ENO2: variants seen among roughly 807,000 people sequenced by gnomAD.
ENO2 encodes the protein enolase 2.
A neutral mutation model predicts 48.7 loss-of-function variants in ENO2; 19 were observed. That is an observed-to-expected ratio of 0.39 (90% CI 0.27 to 0.57). The LOEUF (loss-of-function observed/expected upper bound fraction) is 0.57. Among genes scored for constraint, ENO2 ranks in the 20% least tolerant of loss-of-function variants. The pLI is 0.58. For missense variants in ENO2, 416 were observed against 555.0 expected, an observed-to-expected ratio of 0.75 and a Z score of 2.52; for synonymous variants, 198 against 213.4, an observed-to-expected ratio of 0.93 and a Z score of 0.63.
At chr12:6,918,752 C>G (rs1403074512) in intron 7 of ENO2, among the ~76,000 whole-genome samples, 1 of 150,554 alleles carries the variant, frequency 6.6e-6, no homozygotes, top group Non-Finnish European at 1.5e-5. Context: ...GAGGCTGAGG[C>G]GGGTGGATCA....
In ENO2 at chr12:6,915,839, A is replaced by C; in HGVS notation, c.7A>C (p.Ile3Leu). 2.5e-6 allele frequency: 4 copies of C among 1,612,560 alleles called. No individual in the cohort carries two copies. Among genetic ancestry groups the C allele is most frequent in the Middle Eastern group, 1.7e-4 (1 of 6,058 alleles). Reference protein sequence around the residue: MSIEKIWAREILD... With the variant: MSLEKIWAREILD... ...CGAGGAGATCCCAGCCATCATGTCC[A>C]TAGAGAAGATCTGGGCCCGGGAGAT... Residue 3 changes from isoleucine to leucine, a missense_variant, in exon 2 of 12, where the codon ATA becomes CTA. Physicochemically the swap from Ile to Leu is conservative, Grantham distance 5 (BLOSUM62 2). Coordinates refer to ENST00000229277, the MANE Select transcript of ENO2 (RefSeq NM_001975.3).
Position 6,922,200 on chromosome 12 carries a change from C to T in ENO2, c.1176+36C>T. 1 of 1,608,780 alleles carries T rather than the reference C, an allele frequency of 6.2e-7. No homozygotes were observed. The highest frequency in any genetic ancestry group is 1.1e-5 in the South Asian group (1 of 90,602). On this transcript the variant is annotated intron_variant, in intron 10 of 11. Transcript: ENST00000229277. This position sits in a 1 kb window ranked among gnomAD's most constrained non-coding sequence, Gnocchi z 5.3. Reference sequence around the variant, plus strand: ...CAGCCTGGTGAGTGAAGAGAACTCTCTGTGGGATTGGTATTTCTAGCTCAC... The same window carrying T: ...CAGCCTGGTGAGTGAAGAGAACTCTTTGTGGGATTGGTATTTCTAGCTCAC...
chr12:6,919,604 T>C lies in ENO2; in HGVS notation c.706T>C (p.Tyr236His). ...GAAGGAAGCCATCGACAAGGCTGGC[T>C]ACACGGAAAAGATCGTTATTGGCAT... The part of the protein sequence containing the change: ...LVKEAIDKAG[Y>H]TEKIVIGMDV... Residue 236 changes from tyrosine to histidine, a missense_variant, in exon 8 of 12, where the codon TAC becomes CAC. Transcript: ENST00000229277. The C allele has an allele frequency of 6.2e-7, 1 of 1,614,130 alleles. No homozygotes were observed. The highest frequency in any genetic ancestry group is 1.1e-5 in the South Asian group (1 of 91,080).
chr12:6,914,960 G>A lies in ENO2; in HGVS notation c.-13+301G>A, dbSNP rs1482579421. Among the ~76,000 whole-genome samples the A allele has an allele frequency of 3.3e-5, 5 of 152,150 alleles. No individual in the cohort carries two copies. Among genetic ancestry groups the A allele is most frequent in the Admixed American group, 6.5e-5 (1 of 15,274 alleles). ...GTTTCTAAGTTGGGAGCCTCTCCGG[G>A]CGGTGCATTTTTATCCTAGAGCGTC... On this transcript the variant is annotated intron_variant, in intron 1 of 11. Transcript: ENST00000229277. The surrounding 1 kb of genome is among the most constrained non-coding windows in gnomAD (Gnocchi z 7.1).
At position 6,919,725 on chromosome 12, in the gene ENO2, TG is replaced by T; in HGVS notation, c.832del (p.Ala278HisfsTer34). ...DPSRYITGDQLGALYQDFVRD... is the reference protein window; with the variant it reads ...DPSRYITGDQXGALYQDFVRD... Reference sequence around the variant, plus strand: ...TCCCGATACATCACTGGGGACCAGCTGGGGGCACTCTACCAGGACTTTGTCA... The same window carrying T: ...TCCCGATACATCACTGGGGACCAGCTGGGGCACTCTACCAGGACTTTGTCA... On this transcript the variant is annotated frameshift_variant, in exon 8 of 12. Transcript: ENST00000229277. LOFTEE classifies it high-confidence loss of function. 6.2e-7 allele frequency: 1 copy of T among 1,613,850 alleles called. No homozygotes were observed. Among genetic ancestry groups the T allele is most frequent in the Non-Finnish European group, 8.5e-7 (1 of 1,179,974 alleles).
rs782612283 is a variant in ENO2 at position 6,922,687 on chromosome 12, C to T, written c.1236-44C>T. ...GACCCCTAGAGAGAGAAGCAGGATCCTCCTGCATCCCTGACCACTTCCTTT... is the reference window on the plus strand; with the variant it reads ...GACCCCTAGAGAGAGAAGCAGGATCTTCCTGCATCCCTGACCACTTCCTTT... On this transcript the variant is annotated intron_variant, in intron 11 of 11. Transcript: ENST00000229277. The surrounding 1 kb of genome is among the most constrained non-coding windows in gnomAD (Gnocchi z 5.3). 7.5e-6 allele frequency: 12 copies of T among 1,602,470 alleles called. No homozygotes were observed. The highest frequency in any genetic ancestry group is 4.5e-5 in the East Asian group (2 of 44,860).
At chr12:6,921,442 A>AT in intron 8 of ENO2, 139 bp from the exon 9 acceptor site, 2 of 798,650 alleles carry the variant, frequency 2.5e-6, no homozygotes, top group Non-Finnish European at 2.0e-6. Flanking sequence ...CACTGGGGGG[A>AT]TTTGTCTTAG....
rs1555142109 is a variant in ENO2 at position 6,921,615 on chromosome 12, T to C, written c.900T>C (p.Asp300=). 3.1e-6 allele frequency: 5 copies of C among 1,614,094 alleles called. No homozygotes were observed. Among genetic ancestry groups the C allele is most frequent in the South Asian group, 2.2e-5 (2 of 91,084 alleles). Residue 300 remains aspartate, a synonymous_variant, in exon 9 of 12, where the codon GAT becomes GAC. Transcript: ENST00000229277. Reference sequence around the variant, plus strand: ...TTGAGGACCCATTTGACCAGGATGATTGGGCTGCCTGGTCCAAGTTCACAG... The same window carrying C: ...TTGAGGACCCATTTGACCAGGATGACTGGGCTGCCTGGTCCAAGTTCACAG... ...VSIEDPFDQD[D]WAAWSKFTAN...
Position 6,922,484 on chromosome 12 carries a change from G to C in ENO2, c.1235+82G>C. ...TGCCAGACCATCTGTAGCACCAAGG[G>C]CCTGGATAACAGTCCATTTCCTGGA... is the stretch of plus-strand genomic sequence containing the variant. On this transcript the variant is annotated intron_variant, in intron 11 of 11. Transcript: ENST00000229277. The surrounding 1 kb of genome is among the most constrained non-coding windows in gnomAD (Gnocchi z 5.3). 2 of 1,559,208 alleles carry C rather than the reference G, an allele frequency of 1.3e-6. No homozygotes were observed. The highest frequency in any genetic ancestry group is 1.8e-6 in the Non-Finnish European group (2 of 1,131,316).
chr12:6,916,294 G>A lies in ENO2; in HGVS notation c.86-123G>A. ...GTGTGTGGGGTGGGGGTGGGGGGAT[G>A]TTAGGGAGCAGTGTGGGGAGAGAGC... is the stretch of plus-strand genomic sequence containing the variant. On this transcript the variant is annotated intron_variant, in intron 2 of 11. Coordinates refer to ENST00000229277, the MANE Select transcript of ENO2 (RefSeq NM_001975.3). This position sits in a 1 kb window ranked among gnomAD's most constrained non-coding sequence, Gnocchi z 4.5. 1 of 855,528 alleles carries A rather than the reference G, an allele frequency of 1.2e-6. No individual in the cohort carries two copies. The highest frequency in any genetic ancestry group is 1.8e-6 in the Non-Finnish European group (1 of 561,346). 53.0% of individuals were successfully genotyped at this position (855,528 alleles called of 1,614,324 possible).
At position 6,917,024 on chromosome 12, in the gene ENO2, G is replaced by A. The variant is rs373941121; in HGVS notation, c.241-14G>A. ...CTCCAGCCTGGCCCTGGGTGATGGA[G>A]GCTCTGCCCTCAGGGTCTCTCTGTG... On this transcript the variant is annotated splice_polypyrimidine_tract_variant and intron_variant, in intron 4 of 11. Transcript: ENST00000229277. The A allele has an allele frequency of 1.2e-6, 2 of 1,614,032 alleles. No individual in the cohort carries two copies. The highest frequency in any genetic ancestry group is 1.7e-5 in the Admixed American group (1 of 60,012).
At chr12:6,921,804 C>T in intron 9 of ENO2, 22 bp downstream of exon 9, 1 of 1,612,494 alleles carries the variant, frequency 6.2e-7, no homozygotes, top group Non-Finnish European at 8.5e-7. Flanking sequence ...CTGGCCCTCT[C>T]CTGTGTGGTC....
chr12:6,917,744 CA>C (rs1206635202), intron 6 of ENO2, 30 bp downstream of exon 6: 5 of 1,606,618 alleles, frequency 3.1e-6, no homozygotes, highest in African/African-American at 2.7e-5. Flanking sequence ...GCGGCTCTCC[CA>C]GGGGCGGGTG....
At chr12:6,920,241 A>G (rs1231467772) in intron 8 of ENO2, among the ~76,000 whole-genome samples, 2 of 151,978 alleles carry the variant, frequency 1.3e-5, no homozygotes, top group Non-Finnish European at 2.9e-5. Context: ...TCTTCCTGAC[A>G]CAGAGCGAAA....
chr12:6,922,822 G>A lies in ENO2; in HGVS notation c.*22G>A, dbSNP rs181332217. The A allele has an allele frequency of 1.6e-5, 26 of 1,613,014 alleles. No individual in the cohort carries two copies. The East Asian group carries it at 3.3e-4, about 21-fold the overall frequency. ...GTGATTCCTCTGCTTGCCTGGAGAC[G>A]TGGAACCTCTGTCTCATCCTCCTGG... On this transcript the variant is annotated 3_prime_UTR_variant, in exon 12 of 12. Transcript: ENST00000229277. This position sits in a 1 kb window ranked among gnomAD's most constrained non-coding sequence, Gnocchi z 5.3.
At chr12:6,915,049 T>C (rs1945274990) in intron 1 of ENO2, among the ~76,000 whole-genome samples, 3 of 151,878 alleles carry the variant, frequency 2.0e-5, no homozygotes, top group African/African-American at 2.4e-5. Context: ...CAGACTTCCC[T>C]TGGACTCCCC....
In ENO2 at chr12:6,922,145, T is replaced by C. The variant is rs1555142186; in HGVS notation, c.1157T>C (p.Val386Ala). The part of the protein sequence containing the change: ...TEDTFIADLV[V>A]GLCTGQIKTG... ...GACACATTCATTGCTGACCTGGTGG[T>C]GGGGCTGTGCACAGGCCAGGTGAGT... Residue 386 changes from valine (V) to alanine (A), a missense_variant, in exon 10 of 12, where the codon GTG (valine) becomes GCG (alanine). Physicochemically the swap from Val to Ala is moderately conservative, Grantham distance 64. Coordinates refer to ENST00000229277, the MANE Select transcript of ENO2 (RefSeq NM_001975.3). The surrounding 1 kb of genome is among the most constrained non-coding windows in gnomAD (Gnocchi z 5.3). The C allele has an allele frequency of 6.2e-7, 1 of 1,613,914 alleles. No individual in the cohort carries two copies. The highest frequency in any genetic ancestry group is 1.7e-5 in the Admixed American group (1 of 60,008).
chr12:6,917,656 C>T lies in ENO2; in HGVS notation c.386C>T (p.Pro129Leu). The T allele has an allele frequency of 6.2e-7, 1 of 1,613,852 alleles. No individual in the cohort carries two copies. Among genetic ancestry groups the T allele is most frequent in the Non-Finnish European group, 8.5e-7 (1 of 1,179,948 alleles). Reference protein sequence around the residue: ...CKAGAAERELPLYRHIAQLAG... With the variant: ...CKAGAAERELLLYRHIAQLAG... ...GCAGGGGCAGCTGAGCGGGAACTGC[C>T]CCTGTATCGCCACATTGCTCAGCTG... Residue 129 changes from proline (P) to leucine (L), a missense_variant, in exon 6 of 12, where the codon CCC becomes CTC. Coordinates refer to ENST00000229277, the MANE Select transcript of ENO2 (RefSeq NM_001975.3).
chr12:6,918,078 G>C lies in ENO2; in HGVS notation c.583G>C (p.Val195Leu), dbSNP rs1216143324. The C allele has an allele frequency of 6.2e-7, 1 of 1,614,066 alleles. No individual in the cohort carries two copies. Among genetic ancestry groups the C allele is most frequent in the Non-Finnish European group, 8.5e-7 (1 of 1,180,044 alleles). The change falls in exon 7 of 12, where the codon GTC becomes CTC. Residue 195 changes from valine (V) to leucine (L), a missense_variant. Physicochemically the swap from Val to Leu is conservative, Grantham distance 32. Transcript: ENST00000229277. Reference protein sequence around the residue: ...GAEVYHTLKGVIKDKYGKDAT... With the variant: ...GAEVYHTLKGLIKDKYGKDAT... ...AGAGGTCTACCATACACTCAAGGGAGTCATCAAGGACAAATACGGCAAGGA... is the reference window on the plus strand; with the variant it reads ...AGAGGTCTACCATACACTCAAGGGACTCATCAAGGACAAATACGGCAAGGA...
Sources: allele counts gnomAD v4.1 joint callset (sites outside exome capture counted in the v4.1 genomes callset), GRCh38; gene constraint gnomAD v4.1.1; non-coding constraint Gnocchi (gnomAD v3.1); transcripts MANE v1.5; gene names NCBI Gene and HGNC (gene_info 2026-07-23, HGNC 2026-07-21).